Variants in NREP observed in about 807,000 individuals in gnomAD.
The protein encoded by NREP is neuronal regeneration related protein.
NREP carries 5 observed loss-of-function variants against 8.6 expected under a neutral mutation model. That is an observed-to-expected ratio of 0.58 (90% CI 0.30 to 1.22). The LOEUF (loss-of-function observed/expected upper bound fraction) is 1.22. Among genes scored for constraint, NREP ranks in the 50% most tolerant of loss-of-function variants. NREP has a pLI of 0.07. For synonymous variants in NREP, 27 were observed against 28.0 expected (o/e 0.96, Z 0.11); for missense variants, 86 against 82.5 (o/e 1.04, Z -0.17).
chr5:111,960,309 G>C (rs1223073057), intron 2 of NREP, among the ~76,000 whole-genome samples: 1 of 152,042 alleles, frequency 6.6e-6, no homozygotes, highest in Admixed American at 6.6e-5. Context: ...GTCCCAAGTA[G>C]GTCAAAGTCA....
At chr5:111,771,986 TATAA>T (rs1417801290) in intron 2 of NREP, among the ~76,000 whole-genome samples, 2 of 152,182 alleles carry the variant, frequency 1.3e-5, no homozygotes, top group Non-Finnish European at 2.9e-5. Context: ...AATCAGTTGT[TATAA>T]ATGCTACTGT....
At chr5:111,962,256 G>C (rs1756501010) in intron 2 of NREP, among the ~76,000 whole-genome samples, 1 of 151,728 alleles carries the variant, frequency 6.6e-6, no homozygotes, top group Non-Finnish European at 1.5e-5. Flanking sequence ...ATTAGTTTTA[G>C]CTAAGAATAC....
chr5:111,735,147 A>C (rs935484061), intron 3 of NREP: 1 of 337,946 alleles, frequency 3.0e-6, no homozygotes, highest in African/African-American at 2.1e-5. Context: ...TTGTCTAACC[A>C]GAAATGGAAC....
intron 2 of NREP, among the ~76,000 whole-genome samples, chr5:111,747,524 A>AG (rs1194921293): frequency 6.6e-6 from 1 of 152,156 alleles, no homozygotes; most frequent in Admixed American, 6.5e-5. Context: ...GGGGGAGAGA[A>AG]GAGCTGGAGC....
intron 2 of NREP, among the ~76,000 whole-genome samples, chr5:111,953,509 A>C (rs894805728): frequency 2.0e-5 from 3 of 152,000 alleles, no homozygotes; most frequent in African/African-American, 7.3e-5. Flanking sequence ...CTTTATCTGA[A>C]CATTCTTTCA....
chr5:111,975,420 C>T lies in NREP; in HGVS notation c.31-42G>A, dbSNP rs1292189207. On this transcript the variant is annotated intron_variant, in intron 1 of 3. Coordinates refer to the NREP transcript ENST00000395634. Reference sequence around the variant, plus strand: ...TGGTAGAAAACGTGAGCACTGACCCCCCTGAGTGCCACAACTCACAGCTCC... The same window carrying T: ...TGGTAGAAAACGTGAGCACTGACCCTCCTGAGTGCCACAACTCACAGCTCC... 6 of 1,366,778 alleles carry T rather than the reference C, an allele frequency of 4.4e-6. No homozygotes were observed. The South Asian group carries it at 6.3e-5, about 14-fold the overall frequency. 84.7% of individuals were successfully genotyped at this position (1,366,778 alleles called of 1,614,324 possible).
chr5:111,757,513 C>G (rs1320525224), upstream of NREP: 1 of 984,886 alleles, frequency 1.0e-6, no homozygotes, highest in Non-Finnish European at 1.2e-6. Context: ...GGAGCCAGCG[C>G]CCCAGCCTTG....
intron 2 of NREP, among the ~76,000 whole-genome samples, chr5:111,898,683 A>G (rs538098031): frequency 6.6e-6 from 1 of 152,290 alleles, no homozygotes; most frequent in African/African-American, 2.4e-5. Flanking sequence ...CAACAAAATA[A>G]TAACTAAAAA....
At chr5:111,822,626 G>A (rs1752536293) in intron 2 of NREP, among the ~76,000 whole-genome samples, 1 of 152,132 alleles carries the variant, frequency 6.6e-6, no homozygotes. Flanking sequence ...ATACGCTCTA[G>A]GAAAACATCA....
intron 2 of NREP, among the ~76,000 whole-genome samples, chr5:111,866,108 A>G (rs918743893): frequency 3.3e-5 from 5 of 152,198 alleles, no homozygotes; most frequent in African/African-American, 1.2e-4. Flanking sequence ...CTTCATGTCT[A>G]AAACACCAAA....
At chr5:111,799,852 C>G (rs1429122941) in intron 2 of NREP, among the ~76,000 whole-genome samples, 1 of 152,168 alleles carries the variant, frequency 6.6e-6, no homozygotes, top group Admixed American at 6.5e-5. Flanking sequence ...ATATGAAATA[C>G]AGTGAAAGAA....
intron 2 of NREP, among the ~76,000 whole-genome samples, chr5:111,937,548 A>G (rs1022605275): frequency 1.3e-5 from 2 of 152,048 alleles, no homozygotes; most frequent in South Asian, 2.1e-4. Context: ...GAGCATTAAC[A>G]TCCTCCCTTC....
rs1206196255 is a variant in NREP at position 111,817,726 on chromosome 5, A to C, written c.136-82219T>G. Among the ~76,000 whole-genome samples the C allele has an allele frequency of 4.8e-5, 7 of 147,048 alleles. No homozygotes were observed. In the East Asian group the frequency reaches 1.2e-3, roughly 26 times the overall value. On this transcript the variant is annotated intron_variant, in intron 2 of 3. Transcript: ENST00000395634. ...AGGCTGAGGCAGGAGAATGGCATGA[A>C]CCCAGGAGGCGGAGCTTACAGTGAG...
At chr5:111,867,478 C>A (rs1753694796) in intron 2 of NREP, among the ~76,000 whole-genome samples, 1 of 152,114 alleles carries the variant, frequency 6.6e-6, no homozygotes, top group South Asian at 2.1e-4. Flanking sequence ...TAGGACCCCA[C>A]CCTTATGGTC....
At chr5:111,878,743 C>T (rs1290376356) in intron 2 of NREP, among the ~76,000 whole-genome samples, 3 of 152,122 alleles carry the variant, frequency 2.0e-5, no homozygotes, top group Admixed American at 1.3e-4. Flanking sequence ...CTGTCCCCCA[C>T]CCCCCTGCCA....
chr5:111,889,497 C>A (rs761416647), intron 2 of NREP, among the ~76,000 whole-genome samples: 8 of 152,190 alleles, frequency 5.3e-5, no homozygotes, highest in Non-Finnish European at 1.2e-4. Context: ...ACTGCCCTTA[C>A]TCCCCCTAAA....
At chr5:111,883,702 A>G (rs1754150521) in intron 2 of NREP, among the ~76,000 whole-genome samples, 1 of 152,234 alleles carries the variant, frequency 6.6e-6, no homozygotes, top group Non-Finnish European at 1.5e-5. Flanking sequence ...TGGAAACTGA[A>G]CAACCTGCTC....
intron 2 of NREP, among the ~76,000 whole-genome samples, chr5:111,962,282 C>T (rs1000769872): frequency 5.9e-5 from 9 of 151,946 alleles, no homozygotes; most frequent in African/African-American, 2.2e-4. Context: ...CCTAAACTTA[C>T]ATCATTAAAA....
At chr5:111,872,933 G>C (rs1367508398) in intron 2 of NREP, among the ~76,000 whole-genome samples, 1 of 152,098 alleles carries the variant, frequency 6.6e-6, no homozygotes, top group Non-Finnish European at 1.5e-5. Flanking sequence ...GATTTTCACA[G>C]GCTGGGGAAC....
Sources: allele counts gnomAD v4.1 joint callset (sites outside exome capture counted in the v4.1 genomes callset), GRCh38; gene constraint gnomAD v4.1.1; transcripts MANE v1.5; gene names NCBI Gene and HGNC (gene_info 2026-07-23, HGNC 2026-07-21).